DAB1: variants seen among roughly 807,000 people sequenced by gnomAD.
DAB1 encodes the protein disabled homolog 1.
Under a neutral mutation model 64.6 loss-of-function variants are expected in DAB1, and 15 were observed. That is an observed-to-expected ratio of 0.23 (90% CI 0.16 to 0.36). The LOEUF (loss-of-function observed/expected upper bound fraction) is 0.36. Ranked by LOEUF, DAB1 falls within the 10% of genes least tolerant of loss-of-function variation. The pLI is 1.00. For synonymous variants in DAB1, 235 were observed against 251.9 expected, an observed-to-expected ratio of 0.93 and a Z score of 0.64; for missense variants, 596 against 706.7, an observed-to-expected ratio of 0.84 and a Z score of 1.78.
intron 4 of DAB1, among the ~76,000 whole-genome samples, chr1:58,167,570 C>T (rs963816719): frequency 7.2e-5 from 11 of 152,240 alleles, no homozygotes; most frequent in African/African-American, 2.7e-4. Context: ...CCAGCAGTGG[C>T]AACCTGCTTG....
intron 14 of DAB1, among the ~76,000 whole-genome samples, chr1:57,001,198 C>T (rs1645851514): frequency 6.6e-6 from 1 of 152,228 alleles, no homozygotes. Flanking sequence ...CCAACCTGGC[C>T]TCTGTCAAGG....
At chr1:58,387,023 G>A (rs1190622112) in intron 3 of DAB1, among the ~76,000 whole-genome samples, 1 of 152,146 alleles carries the variant, frequency 6.6e-6, no homozygotes, top group Admixed American at 6.5e-5. Context: ...TCATGCCATT[G>A]CACTCCAGCC....
chr1:57,008,074 G>C (rs1306100348), intron 14 of DAB1, among the ~76,000 whole-genome samples: 1 of 152,156 alleles, frequency 6.6e-6, no homozygotes, highest in African/African-American at 2.4e-5. Context: ...CTTTCAAAGG[G>C]AGAAAATTAC....
chr1:57,491,136 A>G (rs1316895305), intron 7 of DAB1, among the ~76,000 whole-genome samples: 4 of 152,204 alleles, frequency 2.6e-5, no homozygotes, highest in South Asian at 4.1e-4. Context: ...AAGGATAACA[A>G]TATATTTTTT....
chr1:58,064,392 T>G (rs1648705301), intron 5 of DAB1, among the ~76,000 whole-genome samples: 1 of 152,216 alleles, frequency 6.6e-6, no homozygotes, highest in Admixed American at 6.5e-5. Flanking sequence ...TTTAGCATCC[T>G]AATGACACTG....
At position 58,278,857 on chromosome 1, in the gene DAB1, C is replaced by T. The variant is rs1262396843; in HGVS notation, n.309+64495G>A. Among the ~76,000 whole-genome samples the T allele has an allele frequency of 8.8e-5, 2 of 22,644 alleles. 1 individual carries two copies. The highest frequency in any genetic ancestry group is 3.9e-3 in the East Asian group (2 of 512). 14.9% of individuals were successfully genotyped at this position (22,644 alleles called of 152,430 possible). ...AATAACTAAGAAGGCACACTTTTCC[C>T]TAACCACTTCAGGCCAGAAGGGGCA... On this transcript the variant is annotated intron_variant and non_coding_transcript_variant, in intron 4 of 20. Transcript: ENST00000485760.
chr1:57,772,429 T>C (rs550872973), intron 6 of DAB1, among the ~76,000 whole-genome samples: 1 of 152,308 alleles, frequency 6.6e-6, no homozygotes, highest in South Asian at 2.1e-4. Flanking sequence ...CATTTGTTAA[T>C]GGACATTTGG....
intron 7 of DAB1, among the ~76,000 whole-genome samples, chr1:57,645,119 G>C (rs2101647670): frequency 6.6e-6 from 1 of 152,274 alleles, no homozygotes; most frequent in East Asian, 1.9e-4. Flanking sequence ...GTGAGTTACA[G>C]GATGGCTGCC....
rs1412827963 is a variant in DAB1 at position 57,695,285 on chromosome 1, AAAGG to A, written n.552-45624_552-45621del. 9.5e-4 allele frequency among the ~76,000 whole-genome samples: 130 copies of A among 136,944 alleles called. 8 individuals carry two copies. Among genetic ancestry groups the A allele is most frequent in the African/African-American group, 3.7e-3 (126 of 34,316 alleles). The allele number at this position is 136,944 out of a possible 152,430, so 89.8% of individuals were successfully genotyped here. ...GGAAGGAAGGAAGGAAGGAAGGAAG[AAAGG>A]GAGAGAGAAGGAAAGAAAGAAAGAA... On this transcript the variant is annotated intron_variant and non_coding_transcript_variant, in intron 6 of 20. Transcript: ENST00000485760.
At chr1:58,490,693 A>G (rs1377687547) in intron 3 of DAB1, among the ~76,000 whole-genome samples, 1 of 152,044 alleles carries the variant, frequency 6.6e-6, no homozygotes, top group Admixed American at 6.6e-5. Flanking sequence ...AGCTAGAGAG[A>G]AAGGTCGGGT....
At chr1:58,506,278 ATTTT>A (rs370563888) in intron 2 of DAB1, 1 of 713,752 alleles carries the variant, frequency 1.4e-6, no homozygotes, top group South Asian at 1.9e-5. Context: ...CTACTACTTT[ATTTT>A]TTTTTAATTC....
At chr1:57,932,820 T>G (rs1202768) in intron 5 of DAB1, among the ~76,000 whole-genome samples, 30,515 of 152,098 alleles carry the variant, frequency 0.2, 4,474 homozygotes, top group African/African-American at 0.41. Flanking sequence ...TTTTAATCTA[T>G]TTGTATCTTT....
chr1:58,374,908 T>C (rs971631153), intron 3 of DAB1, among the ~76,000 whole-genome samples: 1 of 138,572 alleles, frequency 7.2e-6, no homozygotes, highest in South Asian at 2.3e-4. Flanking sequence ...CCCTTGTAAG[T>C]TGGATTCCTA....
intron 5 of DAB1, among the ~76,000 whole-genome samples, chr1:57,926,036 T>A (rs1193942149): frequency 1.3e-5 from 2 of 152,192 alleles, no homozygotes; most frequent in Non-Finnish European, 2.9e-5. Flanking sequence ...AAAAATACAT[T>A]ACACGATGTG....
At chr1:57,238,829 G>T (rs197630) in intron 2 of DAB1, among the ~76,000 whole-genome samples, 13 of 145,896 alleles carry the variant, frequency 8.9e-5, no homozygotes, top group African/African-American at 3.3e-4. Flanking sequence ...ACTGGCAGGC[G>T]TGTGCACATG....
intron 4 of DAB1, among the ~76,000 whole-genome samples, chr1:57,094,247 C>T (rs1020849551): frequency 4.6e-5 from 7 of 152,072 alleles, no homozygotes; most frequent in African/African-American, 7.2e-5. Context: ...TACTGAGTCT[C>T]TGCTACCAGC....
intron 6 of DAB1, among the ~76,000 whole-genome samples, chr1:57,666,249 T>G (rs1166304189): frequency 6.6e-6 from 1 of 152,126 alleles, no homozygotes; most frequent in East Asian, 1.9e-4. Flanking sequence ...AAATGTGTGC[T>G]TAGGGAAAAA....
At chr1:57,976,423 C>T (rs1461558194) in intron 5 of DAB1, among the ~76,000 whole-genome samples, 1 of 152,150 alleles carries the variant, frequency 6.6e-6, no homozygotes, top group Non-Finnish European at 1.5e-5. Flanking sequence ...GCTCGACTGC[C>T]ATCTGCTTTT....
At chr1:57,776,141 C>T (rs1255458861) in intron 6 of DAB1, among the ~76,000 whole-genome samples, 1 of 151,418 alleles carries the variant, frequency 6.6e-6, no homozygotes, top group Non-Finnish European at 1.5e-5. Flanking sequence ...GTTGAGTATC[C>T]CTAATCTAAC....
Sources: gnomAD v4.1 joint callset for allele counts (sites outside exome capture counted in the v4.1 genomes callset) on GRCh38, gnomAD v4.1.1 for gene constraint, MANE v1.5 for transcripts, NCBI Gene and HGNC (gene_info 2026-07-23, HGNC 2026-07-21) for gene names.